Variants in PORCN observed in about 807,000 individuals in gnomAD.
PORCN encodes the protein protein-serine O-palmitoleoyltransferase porcupine.
A neutral mutation model predicts 43.0 loss-of-function variants in PORCN; 1 was observed. The ratio of observed to expected loss-of-function variants is 0.02; its 90% confidence interval spans 0.01 to 0.11. PORCN has a LOEUF of 0.11. Among genes scored for constraint, PORCN ranks in the 10% least tolerant of loss-of-function variants. The pLI, the probability that PORCN is intolerant of heterozygous loss-of-function variation, is 1.00. For synonymous variants in PORCN, 148 were observed against 166.4 expected (o/e 0.89, Z 0.85); for missense variants, 240 against 392.1 (o/e 0.61, Z 3.28).
At chrX:48,514,032 T>C (rs1385773394) in intron 7 of PORCN, 95 bp from the exon 8 acceptor site, 1 of 1,024,408 alleles carries the variant, frequency 9.8e-7, no homozygotes, top group East Asian at 3.1e-5. Context: ...CTACATTTCA[T>C]CTGTCTTGTC....
intron 13 of PORCN, 67 bp from the exon 14 acceptor site, chrX:48,517,116 C>T (rs970022461): frequency 1.9e-5 from 17 of 872,908 alleles, no homozygotes; most frequent in African/African-American, 1.6e-4. Flanking sequence ...TGGGCTCCCC[C>T]GTGCAGGAGG....
chrX:48,516,039 T>TTACCTCTC lies in PORCN; in HGVS notation c.1088-21_1088-14dup, dbSNP rs782659704. The TTACCTCTC allele has an allele frequency of 1.3e-5, 16 of 1,207,369 alleles. No individual in the cohort carries two copies. In the Admixed American group the frequency reaches 3.3e-4, roughly 25 times the overall value. On this transcript the variant is annotated intron_variant, in intron 12 of 14. Transcript: ENST00000326194. The stretch of plus-strand genomic sequence containing the variant: ...CTCCCCTGAGGCTAACCTGACCCCC[T>TTACCTCTC]TACCTCTCCCCACCACCCTAGTCCT...
chrX:48,517,679 C>T (rs1028667170), intron 14 of PORCN, among the ~76,000 whole-genome samples: 4 of 110,312 alleles, frequency 3.6e-5, no homozygotes, highest in African/African-American at 9.9e-5. Flanking sequence ...ATTAGCCAGG[C>T]GTGATAGCAT....
intron 1 of PORCN, 59 bp downstream of exon 1, chrX:48,509,162 C>T (rs945413854): frequency 1.3e-5 from 2 of 154,658 alleles, no homozygotes; most frequent in African/African-American, 6.0e-5. Flanking sequence ...CCGGCCTCCC[C>T]AGGCGGATCT....
chrX:48,512,288 T>C, intron 4 of PORCN, 38 bp from the exon 5 acceptor site: 1 of 1,200,183 alleles, frequency 8.3e-7, no homozygotes. Flanking sequence ...GCTGATCTGC[T>C]CTCTGCCCAT....
At chrX:48,511,731 C>G (rs1556973931) in intron 3 of PORCN, among the ~76,000 whole-genome samples, 161 bp from the exon 4 acceptor site, 1 of 110,920 alleles carries the variant, frequency 9.0e-6, no homozygotes, top group African/African-American at 3.3e-5. Context: ...GGCATGGGCT[C>G]CCCCTGGAGG....
chrX:48,516,996 C>G (rs2061722185), intron 13 of PORCN, among the ~76,000 whole-genome samples, 187 bp from the exon 14 acceptor site: 1 of 110,918 alleles, frequency 9.0e-6, no homozygotes, highest in South Asian at 3.8e-4. Flanking sequence ...GAACAGTACC[C>G]TCATCTTGGA....
intron 14 of PORCN, 71 bp from the exon 15 acceptor site, chrX:48,520,304 C>A: frequency 1.2e-6 from 1 of 868,105 alleles, no homozygotes; most frequent in Non-Finnish European, 1.7e-6. Context: ...TGTCCTTGGG[C>A]AAAGGATGGG....
At chrX:48,517,104 C>T (rs2061723377) in intron 13 of PORCN, 79 bp from the exon 14 acceptor site, 1 of 783,496 alleles carries the variant, frequency 1.3e-6, no homozygotes, top group Non-Finnish European at 1.9e-6. Flanking sequence ...CTGTGTGTCC[C>T]CTGGGCTCCC....
At chrX:48,516,257 G>A in intron 13 of PORCN, 111 bp downstream of exon 13, 1 of 703,408 alleles carries the variant, frequency 1.4e-6, no homozygotes, top group Non-Finnish European at 2.2e-6. Flanking sequence ...TTTGGTGCCT[G>A]AGCCATCCCC....
chrX:48,511,913 C>T lies in PORCN; in HGVS notation c.351C>T (p.Thr117=), dbSNP rs142038251. 2.3e-5 allele frequency: 28 copies of T among 1,207,319 alleles called. No individual in the cohort carries two copies. Among genetic ancestry groups the T allele is most frequent in the Admixed American group, 8.8e-5 (4 of 45,596 alleles). ...TCAGTGAGATGCACATGGTAGACAC[C>T]GTGACATGGCACAAGATGCGAGGTA... The part of the protein sequence containing the change: ...LLMGEMHMVD[T]VTWHKMRGAQ... Residue 117 remains threonine (T), a synonymous_variant, in exon 4 of 15, where the codon ACC becomes ACT. Transcript: ENST00000326194.
At chrX:48,509,366 G>A in intron 1 of PORCN, 2 of 350,366 alleles carry the variant, frequency 5.7e-6, no homozygotes, top group Non-Finnish European at 4.5e-6. Flanking sequence ...ATCCATACAA[G>A]GAGAGATGCA....
chrX:48,517,397 A>G, intron 14 of PORCN, 104 bp downstream of exon 14: 1 of 575,200 alleles, frequency 1.7e-6, no homozygotes. Flanking sequence ...AGCTCCTCAG[A>G]CTGTGCTGCT....
chrX:48,510,827 G>T (rs998297128), intron 2 of PORCN, among the ~76,000 whole-genome samples: 2 of 109,619 alleles, frequency 1.8e-5, no homozygotes, highest in Non-Finnish European at 1.9e-5. Flanking sequence ...TTCCTGAATT[G>T]CCTGAATAAC....
intron 2 of PORCN, 123 bp downstream of exon 2, chrX:48,510,079 C>T (rs782335484): frequency 2.3e-5 from 13 of 568,555 alleles, no homozygotes; most frequent in Non-Finnish European, 3.8e-5. Flanking sequence ...CAAGCTGGAC[C>T]CCAACATGTT....
rs1556974182 is a variant in PORCN, at chrX:48,512,527, G to A, written c.555+20G>A. ...CCACTGGTGAGGTCCTGAGTGGATG[G>A]GTGGGCAGGGACTGTGGGAGCCACC... On this transcript the variant is annotated intron_variant, in intron 5 of 14. Transcript: ENST00000326194. 1 of 1,207,671 alleles carries A rather than the reference G, an allele frequency of 8.3e-7. No individual in the cohort carries two copies. The highest frequency in any genetic ancestry group is 1.1e-6 in the Non-Finnish European group (1 of 893,503).
chrX:48,517,356 A>G, intron 14 of PORCN, 63 bp downstream of exon 14: 1 of 827,139 alleles, frequency 1.2e-6, no homozygotes, highest in Admixed American at 2.6e-5. Flanking sequence ...GGGGGAAACC[A>G]TGAGGACAAA....
At chrX:48,512,950 C>A in intron 7 of PORCN, 98 bp downstream of exon 7, 1 of 1,036,850 alleles carries the variant, frequency 9.6e-7, no homozygotes, top group Non-Finnish European at 1.4e-6. Flanking sequence ...GTGTGTCTGA[C>A]CGTCAACTCC....
At position 48,514,518 on chromosome X, in the gene PORCN, C is replaced by T. The variant is rs1556974792; in HGVS notation, c.846-7C>T. On this transcript the variant is annotated splice_region_variant and splice_polypyrimidine_tract_variant and intron_variant, in intron 9 of 14. Coordinates refer to ENST00000326194, the MANE Select transcript of PORCN (RefSeq NM_203475.3). The stretch of plus-strand genomic sequence containing the variant: ...CAAATGGATTTGCATATCTCTTCTG[C>T]CCCCAGGGACCTGACGGTGTCCAAG... 1 of 1,205,132 alleles carries T rather than the reference C, an allele frequency of 8.3e-7. No individual in the cohort carries two copies. The highest frequency in any genetic ancestry group is 1.8e-5 in the South Asian group (1 of 56,809).
Sources: gnomAD v4.1 joint callset for allele counts (sites outside exome capture counted in the v4.1 genomes callset) on GRCh38, gnomAD v4.1.1 for gene constraint, MANE v1.5 for transcripts, NCBI Gene and HGNC (gene_info 2026-07-23, HGNC 2026-07-21) for gene names.